The following CR1 variants were observed in gnomAD, a reference collection of about 807,000 sequenced individuals.
The protein encoded by CR1 is complement receptor type 1.
A neutral mutation model predicts 187.3 loss-of-function variants in CR1; 116 were observed. That is an observed-to-expected ratio of 0.62 (90% CI 0.53 to 0.72). The LOEUF (loss-of-function observed/expected upper bound fraction) is 0.72, where lower values mean the gene tolerates loss of function less well. CR1 is among the 30% of genes least tolerant of loss of function. The pLI, the probability that CR1 is intolerant of heterozygous loss-of-function variation, is 0.00. For synonymous variants in CR1, 576 were observed against 747.1 expected, an observed-to-expected ratio of 0.77 and a Z score of 3.73; for missense variants, 1,731 against 2,110.7, an observed-to-expected ratio of 0.82 and a Z score of 3.52.
In CR1 at chr1:207,576,542, G is replaced by A. The variant is rs189908072; in HGVS notation, c.4537+862G>A. Among the ~76,000 whole-genome samples, 422 of 152,306 alleles carry A rather than the reference G, an allele frequency of 2.8e-3. 6 individuals carry two copies. Among genetic ancestry groups the A allele is most frequent in the Middle Eastern group, 0.014 (4 of 294 alleles). ...TAATAAAGATGTTATACTGAGCCAC[G>A]TGTGGTGACTCAAACTTGTAATCCC... On this transcript the variant is annotated intron_variant, in intron 28 of 46. Transcript: ENST00000367049.
chr1:207,590,977 G>A (rs760737866), intron 35 of CR1, among the ~76,000 whole-genome samples: 2 of 152,156 alleles, frequency 1.3e-5, no homozygotes, highest in Non-Finnish European at 2.9e-5. Flanking sequence ...TCTATAAAGA[G>A]ACTTAGATTC....
intron 35 of CR1, among the ~76,000 whole-genome samples, chr1:207,599,425 C>A (rs74989955): frequency 1.3e-5 from 2 of 150,774 alleles, no homozygotes; most frequent in African/African-American, 2.4e-5. Context: ...CTGCAGCTTT[C>A]AAAAAAAAAT....
intron 27 of CR1, among the ~76,000 whole-genome samples, chr1:207,575,305 T>A (rs575720453): frequency 1.3e-5 from 2 of 152,030 alleles, no homozygotes; most frequent in Admixed American, 1.3e-4. Flanking sequence ...AGAAAAAAAT[T>A]GTCAAACTGG....
chr1:207,579,347 A>G (rs2102340980), intron 29 of CR1, among the ~76,000 whole-genome samples: 1 of 152,336 alleles, frequency 6.6e-6, no homozygotes, highest in Admixed American at 6.5e-5. Flanking sequence ...GCCTTGTGCA[A>G]CCACTGAGCT....
intron 35 of CR1, among the ~76,000 whole-genome samples, chr1:207,602,430 G>A (rs979502306): frequency 1.3e-5 from 2 of 151,974 alleles, no homozygotes; most frequent in Non-Finnish European, 2.9e-5. Context: ...TATGCAAGGG[G>A]AACAAGTAAG....
chr1:207,604,566 C>T (rs1014763568), intron 35 of CR1, among the ~76,000 whole-genome samples: 1 of 152,128 alleles, frequency 6.6e-6, no homozygotes, highest in Non-Finnish European at 1.5e-5. Flanking sequence ...TTCAGTTTTC[C>T]GTGTCTTGAA....
intron 1 of CR1, among the ~76,000 whole-genome samples, chr1:207,500,166 T>G (rs750580580): frequency 6.6e-5 from 10 of 152,246 alleles, no homozygotes; most frequent in Non-Finnish European, 1.0e-4. Context: ...CTGTTTTTTG[T>G]CCCGTTAGAT....
chr1:207,594,974 T>A (rs1661383653), intron 35 of CR1, among the ~76,000 whole-genome samples: 1 of 152,076 alleles, frequency 6.6e-6, no homozygotes, highest in Non-Finnish European at 1.5e-5. Flanking sequence ...CAGGGGACAA[T>A]CTTTAAAAAT....
chr1:207,565,743 C>T, intron 23 of CR1, 95 bp from the exon 24 acceptor site: 2 of 1,555,636 alleles, frequency 1.3e-6, no homozygotes, highest in East Asian at 2.3e-5. Context: ...GCCTCAGATC[C>T]TCAAAATCCT....
intron 5 of CR1, 48 bp downstream of exon 5, chr1:207,524,057 C>A: frequency 6.2e-7 from 1 of 1,611,678 alleles, no homozygotes; most frequent in African/African-American, 1.3e-5. Context: ...ACATGCGTTG[C>A]TGTTGGATCA....
Position 207,630,567 on chromosome 1 carries a change from A to G in CR1, c.7403A>G (p.Gln2468Arg), listed in dbSNP as rs1379657733. 1.2e-6 allele frequency: 2 copies of G among 1,612,052 alleles called. No individual in the cohort carries two copies. The highest frequency in any genetic ancestry group is 2.2e-5 in the East Asian group (1 of 44,806). ...PKEVAIHLHSQGGSSVHPRTL... is the reference protein window; with the variant it reads ...PKEVAIHLHSRGGSSVHPRTL... ...GAAGTGGCTATCCATTTACATTCTC[A>G]AGGAGGCAGCAGCGTTCATCCCCGA... The change falls in exon 46 of 47, where the codon CAA becomes CGA. Residue 2468 changes from glutamine to arginine, a missense_variant. This residue lies in a region of CR1 where 1,312 missense variants were observed against 1,379.6 expected (regional missense o/e 0.95). Transcript: ENST00000367049.
chr1:207,515,771 T>C (rs1342024294), intron 4 of CR1, among the ~76,000 whole-genome samples: 2 of 152,210 alleles, frequency 1.3e-5, no homozygotes, highest in Non-Finnish European at 2.9e-5. Flanking sequence ...TTCTCATGTT[T>C]TCTAATAAAT....
At chr1:207,579,371 G>A (rs1373562280) in intron 29 of CR1, among the ~76,000 whole-genome samples, 1 of 152,180 alleles carries the variant, frequency 6.6e-6, no homozygotes, top group East Asian at 1.9e-4. Context: ...AAGATGAACA[G>A]ATAAAGGGAT....
chr1:207,630,370 A>G, intron 45 of CR1, 147 bp from the exon 46 acceptor site: 1 of 542,326 alleles, frequency 1.8e-6, no homozygotes, highest in Non-Finnish European at 3.3e-6. Context: ...AGATTTGGTT[A>G]TGATTTTCCT....
At chr1:207,506,196 C>G in intron 2 of CR1, 113 bp downstream of exon 2, 1 of 1,231,750 alleles carries the variant, frequency 8.1e-7, no homozygotes, top group Non-Finnish European at 1.1e-6. Flanking sequence ...TGCCAAGGTG[C>G]AATACATATG....
At chr1:207,607,050 G>T (rs1661772475) in intron 35 of CR1, among the ~76,000 whole-genome samples, 1 of 152,156 alleles carries the variant, frequency 6.6e-6, no homozygotes, top group Non-Finnish European at 1.5e-5. Context: ...GAATAAAAAT[G>T]AATTGGAGAG....
intron 40 of CR1, 30 bp from the exon 41 acceptor site, chr1:207,616,545 T>C (rs1662101316): frequency 6.2e-7 from 1 of 1,606,106 alleles, no homozygotes; most frequent in African/African-American, 1.3e-5. Flanking sequence ...GAAATTCTAA[T>C]AGAACTTAAA....
At chr1:207,596,403 C>T (rs1048602542) in intron 35 of CR1, among the ~76,000 whole-genome samples, 1 of 151,956 alleles carries the variant, frequency 6.6e-6, no homozygotes, top group African/African-American at 2.4e-5. Flanking sequence ...CACCTGAGGT[C>T]GGGAGTTCAA....
chr1:207,619,543 G>T (rs898392404), intron 42 of CR1, among the ~76,000 whole-genome samples: 2 of 152,244 alleles, frequency 1.3e-5, no homozygotes, highest in Non-Finnish European at 2.9e-5. Flanking sequence ...GAATTAACAT[G>T]GTACTCCTGT....
Sources: allele counts gnomAD v4.1 joint callset (sites outside exome capture counted in the v4.1 genomes callset), GRCh38; gene constraint gnomAD v4.1.1; regional missense constraint gnomAD v4.1.1; transcripts MANE v1.5; gene names NCBI Gene and HGNC (gene_info 2026-07-23, HGNC 2026-07-21).